Variants in CD58 observed in about 807,000 individuals in gnomAD.
CD58 encodes CD58 molecule, also known as lymphocyte function-associated antigen 3.
Under a neutral mutation model 27.6 loss-of-function variants are expected in CD58, and 14 were observed. That is an observed-to-expected ratio of 0.51 (90% CI 0.34 to 0.79). The LOEUF (loss-of-function observed/expected upper bound fraction) is 0.79, where lower values mean the gene tolerates loss of function less well. CD58 is among the 30% of genes least tolerant of loss of function. The pLI, the probability that CD58 is intolerant of heterozygous loss-of-function variation, is 0.02. For synonymous variants in CD58, 117 were observed against 103.8 expected (o/e 1.13, Z -0.77); for missense variants, 268 against 301.7 (o/e 0.89, Z 0.83).
Position 116,541,897 on chromosome 1 carries a change from G to T in CD58, c.364+2414C>A, listed in dbSNP as rs1407221466. Among the ~76,000 whole-genome samples, 1 of 152,196 alleles carries T rather than the reference G, an allele frequency of 6.6e-6. No individual in the cohort carries two copies. The highest frequency in any genetic ancestry group is 6.5e-5 in the Admixed American group (1 of 15,282). ...AGACAGAAAAGGAAAGAGACCTAAG[G>T]CTTAAGCCTTGATGTTTCCAGTGTT... On this transcript the variant is annotated intron_variant, in intron 2 of 5. Coordinates refer to ENST00000369489, the MANE Select transcript of CD58 (RefSeq NM_001779.3). This position sits in a 1 kb window ranked among gnomAD's most constrained non-coding sequence, Gnocchi z 5.3.
Position 116,514,939 on chromosome 1 carries a change from A to G in CD58, c.744-117T>C, listed in dbSNP as rs1417718542. 10 of 684,422 alleles carry G rather than the reference A, an allele frequency of 1.5e-5. No homozygotes were observed. In the South Asian group the frequency reaches 1.9e-4, roughly 13 times the overall value. The allele number at this position is 684,422 out of a possible 1,614,324, so 42.4% of individuals were successfully genotyped here. A position where few individuals can be genotyped will look rare whatever the true frequency, so the allele number is the denominator to read the frequency against. ...ATAGCCCTTTTGTAATAAACTCATC[A>G]AAGCCAAGGGAGCTAGGGAGCAGGG... On this transcript the variant is annotated intron_variant, in intron 5 of 5. Coordinates refer to ENST00000369489, the MANE Select transcript of CD58 (RefSeq NM_001779.3).
Position 116,536,356 on chromosome 1 carries a change from C to G in CD58, c.365-128G>C. ...ATGAGCAGACAAACTCCTTGAGCAT[C>G]AAGGAGCGAGAATTCTTTCTTTTGC... On this transcript the variant is annotated intron_variant, in intron 2 of 5. Coordinates refer to ENST00000369489, the MANE Select transcript of CD58 (RefSeq NM_001779.3). The surrounding 1 kb of genome is among the most constrained non-coding windows in gnomAD (Gnocchi z 5.4). 1 of 641,576 alleles carries G rather than the reference C, an allele frequency of 1.6e-6. No individual in the cohort carries two copies. The highest frequency in any genetic ancestry group is 2.6e-6 in the Non-Finnish European group (1 of 381,760). 39.7% of individuals were successfully genotyped at this position (641,576 alleles called of 1,614,324 possible). A position where few individuals can be genotyped will look rare whatever the true frequency, so the allele number is the denominator to read the frequency against.
intron 1 of CD58, among the ~76,000 whole-genome samples, chr1:116,565,505 C>G (rs1658901010): frequency 6.6e-6 from 1 of 151,990 alleles, no homozygotes; most frequent in Non-Finnish European, 1.5e-5. Flanking sequence ...CAGAGGGTAG[C>G]TGAATGAACT....
intron 3 of CD58, among the ~76,000 whole-genome samples, chr1:116,535,404 G>A (rs1657761039): frequency 6.6e-6 from 1 of 152,182 alleles, no homozygotes; most frequent in Non-Finnish European, 1.5e-5. Context: ...AGGAAACAGG[G>A]ATAAGTACTA....
In CD58 at chr1:116,557,635, T is replaced by C. The variant is rs1281064759; in HGVS notation, c.71-13031A>G. On this transcript the variant is annotated intron_variant, in intron 1 of 5. Transcript: ENST00000369489. The surrounding 1 kb of genome is among the most constrained non-coding windows in gnomAD (Gnocchi z 5.2). Reference sequence around the variant, plus strand: ...CTTTCTTTTTATTTTTCTCTTTCTTTCCCTCTCTCTCTCCCTCCTTCCCTC... The same window carrying C: ...CTTTCTTTTTATTTTTCTCTTTCTTCCCCTCTCTCTCTCCCTCCTTCCCTC... Among the ~76,000 whole-genome samples, 3 of 151,990 alleles carry C rather than the reference T, an allele frequency of 2.0e-5. No homozygotes were observed. The highest frequency in any genetic ancestry group is 4.4e-5 in the Non-Finnish European group (3 of 67,976).
rs1658611283 is a variant in CD58, at chr1:116,557,775, G to A, written c.70+13128C>T. Among the ~76,000 whole-genome samples, 2 of 152,088 alleles carry A rather than the reference G, an allele frequency of 1.3e-5. No homozygotes were observed. Among genetic ancestry groups the A allele is most frequent in the Middle Eastern group, 3.4e-3 (1 of 294 alleles). ...TGTAGCTTCAACCTCCTGGGCTCAA[G>A]TGATCCTTCTGCCTCAGCCTCCCAA... On this transcript the variant is annotated intron_variant, in intron 1 of 5. Coordinates refer to ENST00000369489, the MANE Select transcript of CD58 (RefSeq NM_001779.3). This position sits in a 1 kb window ranked among gnomAD's most constrained non-coding sequence, Gnocchi z 5.2.
chr1:116,568,457 A>G (rs1371540589), intron 1 of CD58, among the ~76,000 whole-genome samples: 1 of 152,204 alleles, frequency 6.6e-6, no homozygotes, highest in African/African-American at 2.4e-5. Context: ...CCTAAACTGA[A>G]GTATTAACGA....
chr1:116,524,327 G>A lies in CD58; in HGVS notation c.629-2344C>T, dbSNP rs1414274. Among the ~76,000 whole-genome samples, 5 of 152,134 alleles carry A rather than the reference G, an allele frequency of 3.3e-5. No homozygotes were observed. The highest frequency in any genetic ancestry group is 3.2e-3 in the Middle Eastern group (1 of 316). On this transcript the variant is annotated intron_variant, in intron 3 of 5. Transcript: ENST00000369489. The surrounding 1 kb of genome is among the most constrained non-coding windows in gnomAD (Gnocchi z 4.6). ...AAACTGGGAAGTCTGGGCACACCAG[G>A]TAACACTGGTCACTCAAATCTGGGT...
In CD58 at chr1:116,524,755, A is replaced by AT. The variant is rs1439159320; in HGVS notation, c.629-2773dup. On this transcript the variant is annotated intron_variant, in intron 3 of 5. Coordinates refer to ENST00000369489, the MANE Select transcript of CD58 (RefSeq NM_001779.3). This position sits in a 1 kb window ranked among gnomAD's most constrained non-coding sequence, Gnocchi z 4.6. ...CTACATAATTACTTAAAACATTACA[A>AT]TTTTTTTCTTTATAGTTCTTTTTAT... is the stretch of plus-strand genomic sequence containing the variant. Among the ~76,000 whole-genome samples the AT allele has an allele frequency of 1.3e-5, 2 of 152,186 alleles. No individual in the cohort carries two copies. Among genetic ancestry groups the AT allele is most frequent in the East Asian group, 1.9e-4 (1 of 5,202 alleles).
chr1:116,530,325 C>G (rs889347348), intron 3 of CD58, among the ~76,000 whole-genome samples: 3 of 152,004 alleles, frequency 2.0e-5, no homozygotes, highest in African/African-American at 7.3e-5. Flanking sequence ...CCTGCCTCAG[C>G]CTCCCAAGTA....
At chr1:116,518,321 G>A (rs955791854) in intron 5 of CD58, among the ~76,000 whole-genome samples, 1 of 151,790 alleles carries the variant, frequency 6.6e-6, no homozygotes, top group Non-Finnish European at 1.5e-5. Flanking sequence ...CTTGACTCAG[G>A]CCCTCTTCTC....
Position 116,544,623 on chromosome 1 carries a change from T to C in CD58, c.71-19A>G. The C allele has an allele frequency of 6.5e-7, 1 of 1,527,118 alleles. No individual in the cohort carries two copies. Among genetic ancestry groups the C allele is most frequent in the Non-Finnish European group, 8.8e-7 (1 of 1,134,692 alleles). 94.6% of individuals were successfully genotyped at this position (1,527,118 alleles called of 1,614,324 possible). A position where few individuals can be genotyped will look rare whatever the true frequency, so the allele number is the denominator to read the frequency against. On this transcript the variant is annotated intron_variant, in intron 1 of 5. Coordinates refer to ENST00000369489, the MANE Select transcript of CD58 (RefSeq NM_001779.3). Reference sequence around the variant, plus strand: ...ATGAAACCTAGGAGAGAAAAAAAAATTGGTTAGAAAAAACAACATGACTTT... The same window carrying C: ...ATGAAACCTAGGAGAGAAAAAAAAACTGGTTAGAAAAAACAACATGACTTT...
At position 116,536,303 on chromosome 1, in the gene CD58, C is replaced by A; in HGVS notation, c.365-75G>T. On this transcript the variant is annotated intron_variant, in intron 2 of 5. Coordinates refer to ENST00000369489, the MANE Select transcript of CD58 (RefSeq NM_001779.3). The surrounding 1 kb of genome is among the most constrained non-coding windows in gnomAD (Gnocchi z 5.4). ...TTATCATCTGCAAATTTATGAAGAG[C>A]TCGCAACCTCCTTACAAGCTTGAAA... 9.3e-7 allele frequency: 1 copy of A among 1,074,062 alleles called. No individual in the cohort carries two copies. The highest frequency in any genetic ancestry group is 2.4e-5 in the Admixed American group (1 of 41,060). 66.5% of individuals were successfully genotyped at this position (1,074,062 alleles called of 1,614,324 possible).
chr1:116,525,221 C>G (rs932771745), intron 3 of CD58, among the ~76,000 whole-genome samples: 24 of 152,342 alleles, frequency 1.6e-4, no homozygotes, highest in African/African-American at 5.5e-4. Flanking sequence ...CCCCTGCCAA[C>G]TACTAATCTT....
At chr1:116,540,244 T>C (rs1657948446) in intron 2 of CD58, among the ~76,000 whole-genome samples, 1 of 151,966 alleles carries the variant, frequency 6.6e-6, no homozygotes, top group Non-Finnish European at 1.5e-5. Flanking sequence ...CTGTCCAAAA[T>C]ATGCTCACTG....
chr1:116,553,435 C>T (rs756303111), intron 1 of CD58, among the ~76,000 whole-genome samples: 35 of 152,004 alleles, frequency 2.3e-4, no homozygotes, highest in Non-Finnish European at 4.1e-4. Context: ...CAAAGTGGTT[C>T]AAGAGACATT....
At position 116,537,221 on chromosome 1, in the gene CD58, C is replaced by T. The variant is rs561143994; in HGVS notation, c.365-993G>A. Among the ~76,000 whole-genome samples, 6 of 152,324 alleles carry T rather than the reference C, an allele frequency of 3.9e-5. No individual in the cohort carries two copies. The South Asian group carries it at 1.0e-3, about 26-fold the overall frequency. ...TGCCAGTGCACTCTAGCTCACTACA[C>T]ACAGTGGGCTATGATTGCATCAGAC... On this transcript the variant is annotated intron_variant, in intron 2 of 5. Coordinates refer to ENST00000369489, the MANE Select transcript of CD58 (RefSeq NM_001779.3).
At position 116,568,808 on chromosome 1, in the gene CD58, T is replaced by C. The variant is rs544205262; in HGVS notation, c.70+2095A>G. On this transcript the variant is annotated intron_variant, in intron 1 of 5. Transcript: ENST00000369489. ...GAGAAGTTAGGGAACTCACACAAGT[T>C]CATGACTCAGGTGAGGAGTGGGGCC... is the stretch of plus-strand genomic sequence containing the variant. Among the ~76,000 whole-genome samples the C allele has an allele frequency of 1.2e-4, 18 of 152,314 alleles. No individual in the cohort carries two copies. The South Asian group carries it at 2.9e-3, about 25-fold the overall frequency.
Position 116,531,531 on chromosome 1 carries a change from T to C in CD58, c.628+4434A>G, listed in dbSNP as rs1427342951. Among the ~76,000 whole-genome samples, 1 of 152,050 alleles carries C rather than the reference T, an allele frequency of 6.6e-6. No individual in the cohort carries two copies. The highest frequency in any genetic ancestry group is 1.5e-5 in the Non-Finnish European group (1 of 67,984). On this transcript the variant is annotated intron_variant, in intron 3 of 5. Coordinates refer to ENST00000369489, the MANE Select transcript of CD58 (RefSeq NM_001779.3). This position sits in a 1 kb window ranked among gnomAD's most constrained non-coding sequence, Gnocchi z 4.5. ...AATTGCATTTCCATATCGTATGCCT[T>C]GGGTATTATGTAACACTCAAAAGGT...
Sources: gnomAD v4.1 joint callset for allele counts (sites outside exome capture counted in the v4.1 genomes callset) on GRCh38, gnomAD v4.1.1 for gene constraint, Gnocchi (gnomAD v3.1) non-coding constraint, MANE v1.5 for transcripts, NCBI Gene and HGNC (gene_info 2026-07-23, HGNC 2026-07-21) for gene names.